The following SPOCK1 variants were observed in gnomAD, a reference collection of about 807,000 sequenced individuals.
The protein encoded by SPOCK1 is testican-1.
Under a neutral mutation model 55.3 loss-of-function variants are expected in SPOCK1, and 23 were observed. The ratio of observed to expected loss-of-function variants is 0.42; its 90% CI spans 0.30 to 0.59. The LOEUF is 0.59. Among genes scored for constraint, SPOCK1 ranks in the 20% least tolerant of loss-of-function variants. SPOCK1 has a pLI of 0.22. For missense variants in SPOCK1, 499 were observed against 552.5 expected, an observed-to-expected ratio of 0.90 and a Z score of 0.97; for synonymous variants, 226 against 221.0, an observed-to-expected ratio of 1.02 and a Z score of -0.20.
At chr5:137,444,578 A>C (rs1377875382) in intron 2 of SPOCK1, among the ~76,000 whole-genome samples, 1 of 152,184 alleles carries the variant, frequency 6.6e-6, no homozygotes, top group African/African-American at 2.4e-5. Context: ...GATCAAAACC[A>C]AACCTCAGCA....
chr5:137,018,605 C>G (rs910660534), intron 6 of SPOCK1, among the ~76,000 whole-genome samples: 9 of 152,200 alleles, frequency 5.9e-5, no homozygotes, highest in Admixed American at 3.9e-4. Context: ...CCCCTTCCCC[C>G]CATTAGTTAA....
At position 137,334,533 on chromosome 5, in the gene SPOCK1, C is replaced by T. The variant is rs116725039; in HGVS notation, c.187-67478G>A. ...CAGAACGCGTTCCCTGTGCTTCTTG[C>T]TCTGGTGCTCCACATTCTCTCCAAA... On this transcript the variant is annotated intron_variant, in intron 2 of 10. Transcript: ENST00000394945. 5.1e-3 allele frequency among the ~76,000 whole-genome samples: 782 copies of T among 152,318 alleles called. 8 individuals are homozygous for T. Among genetic ancestry groups the T allele is most frequent in the African/African-American group, 0.014 (589 of 41,570 alleles).
At chr5:137,232,724 T>C (rs1243408497) in intron 3 of SPOCK1, among the ~76,000 whole-genome samples, 1 of 152,228 alleles carries the variant, frequency 6.6e-6, no homozygotes, top group Non-Finnish European at 1.5e-5. Context: ...CCAAAAAACC[T>C]TGCTGCAATT....
intron 5 of SPOCK1, among the ~76,000 whole-genome samples, chr5:137,085,185 G>C (rs542239130): frequency 1.3e-5 from 2 of 152,194 alleles, no homozygotes; most frequent in African/African-American, 4.8e-5. Context: ...GCACTACTGG[G>C]GCTGTCTGGA....
intron 2 of SPOCK1, among the ~76,000 whole-genome samples, chr5:137,279,584 C>A (rs537180934): frequency 6.6e-6 from 1 of 152,194 alleles, no homozygotes; most frequent in Non-Finnish European, 1.5e-5. Flanking sequence ...AGCCCAGGTG[C>A]AACAACAGAG....
intron 6 of SPOCK1, among the ~76,000 whole-genome samples, chr5:137,010,671 CA>C (rs1462797789): frequency 6.6e-6 from 1 of 152,126 alleles, no homozygotes; most frequent in African/African-American, 2.4e-5. Context: ...CAAAATAACT[CA>C]AATCTGTGCT....
At chr5:137,007,546 C>T (rs549379351) in intron 6 of SPOCK1, among the ~76,000 whole-genome samples, 60 of 152,322 alleles carry the variant, frequency 3.9e-4, no homozygotes, top group Middle Eastern at 3.4e-3. Flanking sequence ...AAAAGCTCAT[C>T]ATCACTGGTC....
intron 4 of SPOCK1, among the ~76,000 whole-genome samples, chr5:137,139,440 AC>A (rs1276245280): frequency 1.3e-5 from 2 of 151,922 alleles, no homozygotes; most frequent in Admixed American, 6.6e-5. Context: ...ATTAAAACAT[AC>A]CCCCAGAGGA....
intron 6 of SPOCK1, 88 bp downstream of exon 6, chr5:137,067,627 C>A: frequency 1.7e-6 from 2 of 1,143,386 alleles, no homozygotes; most frequent in Non-Finnish European, 2.6e-6. Context: ...CAGTTTGTTC[C>A]TAGTGCCTGG....
At chr5:137,425,610 T>A (rs1580920312) in intron 2 of SPOCK1, among the ~76,000 whole-genome samples, 1 of 152,162 alleles carries the variant, frequency 6.6e-6, no homozygotes, top group East Asian at 1.9e-4. Flanking sequence ...TGATCACACA[T>A]CTACAACCTC....
chr5:137,210,889 G>A (rs1755600259), intron 3 of SPOCK1, among the ~76,000 whole-genome samples: 1 of 152,160 alleles, frequency 6.6e-6, no homozygotes, highest in African/African-American at 2.4e-5. Context: ...GAGTCCAGGG[G>A]CTCAATTCTA....
Position 137,067,833 on chromosome 5 carries a change from C to CA in SPOCK1, c.475-5dup. 1 of 1,612,562 alleles carries CA rather than the reference C, an allele frequency of 6.2e-7. No homozygotes were observed. The highest frequency in any genetic ancestry group is 8.5e-7 in the Non-Finnish European group (1 of 1,178,626). ...AAGCATGGAACTCCAATTTGCACTG[C>CA]AAAAGAGAGACACAACAGGTCTTAA... On this transcript the variant is annotated splice_region_variant and splice_polypyrimidine_tract_variant and intron_variant, in intron 5 of 10. Coordinates refer to ENST00000394945, the MANE Select transcript of SPOCK1 (RefSeq NM_004598.4).
chr5:137,117,671 A>G (rs1008492810), intron 4 of SPOCK1, among the ~76,000 whole-genome samples: 2 of 152,260 alleles, frequency 1.3e-5, no homozygotes, highest in African/African-American at 4.8e-5. Flanking sequence ...TTTAAGCAAC[A>G]AGAATTCAAC....
intron 8 of SPOCK1, among the ~76,000 whole-genome samples, chr5:136,987,097 G>A (rs1750857990): frequency 6.6e-6 from 1 of 152,148 alleles, no homozygotes; most frequent in Non-Finnish European, 1.5e-5. Context: ...TCTCCAGGGA[G>A]GCTGGGAGCC....
chr5:137,245,509 T>C lies in SPOCK1; in HGVS notation c.232+21501A>G, dbSNP rs534627713. The stretch of plus-strand genomic sequence containing the variant: ...AGGGAATTCATTAAATATTCAATAT[T>C]CCTCCTTAAAAATGAAAGCAAAATT... On this transcript the variant is annotated intron_variant, in intron 3 of 10. Coordinates refer to ENST00000394945, the MANE Select transcript of SPOCK1 (RefSeq NM_004598.4). 3.3e-5 allele frequency among the ~76,000 whole-genome samples: 5 copies of C among 152,262 alleles called. No homozygotes were observed. The East Asian group carries it at 7.7e-4, about 23-fold the overall frequency.
At chr5:137,241,238 A>T (rs1756274337) in intron 3 of SPOCK1, among the ~76,000 whole-genome samples, 1 of 152,254 alleles carries the variant, frequency 6.6e-6, no homozygotes, top group African/African-American at 2.4e-5. Context: ...CGAGGTTAAT[A>T]AATACAAACA....
At chr5:137,408,409 TGAA>T (rs1752144240) in intron 2 of SPOCK1, among the ~76,000 whole-genome samples, 1 of 152,318 alleles carries the variant, frequency 6.6e-6, no homozygotes, top group African/African-American at 2.4e-5. Flanking sequence ...AGACTGAGGC[TGAA>T]GAAGAAACAC....
chr5:137,053,290 A>G (rs1266730916), intron 6 of SPOCK1, among the ~76,000 whole-genome samples: 5 of 152,070 alleles, frequency 3.3e-5, no homozygotes, highest in African/African-American at 1.2e-4. Context: ...GAAAGCCAAT[A>G]AGGAAAGCCA....
At chr5:137,307,713 C>T (rs1209611943) in intron 2 of SPOCK1, among the ~76,000 whole-genome samples, 1 of 152,210 alleles carries the variant, frequency 6.6e-6, no homozygotes, top group African/African-American at 2.4e-5. Flanking sequence ...AAAACTGCTG[C>T]AGCCTGGATG....
Sources: allele counts gnomAD v4.1 joint callset (sites outside exome capture counted in the v4.1 genomes callset), GRCh38; gene constraint gnomAD v4.1.1; transcripts MANE v1.5; gene names NCBI Gene and HGNC (gene_info 2026-07-23, HGNC 2026-07-21).